The following PLEKHH1 variants were observed in gnomAD, a reference collection of about 807,000 sequenced individuals.
PLEKHH1 encodes the protein pleckstrin homology domain-containing family H member 1.
Under a neutral mutation model 160.0 loss-of-function variants are expected in PLEKHH1, and 104 were observed. That is an observed-to-expected ratio of 0.65 (90% CI 0.55 to 0.76). PLEKHH1 has a LOEUF of 0.76. Ranked by LOEUF, PLEKHH1 falls within the 30% of genes least tolerant of loss-of-function variation. The pLI is 0.00. For synonymous variants in PLEKHH1, 619 were observed against 678.4 expected (o/e 0.91, Z 1.36); for missense variants, 1,427 against 1,724.1 (o/e 0.83, Z 3.05).
rs147735246 is a variant in PLEKHH1, at chr14:67,550,241, T to G, written c.127-5584T>G. Among the ~76,000 whole-genome samples the G allele has an allele frequency of 3.2e-3, 482 of 152,122 alleles. 1 individual carries two copies. Among genetic ancestry groups the G allele is most frequent in the African/African-American group, 0.011 (456 of 41,506 alleles). ...TCTCACTCTGTTGCCCAAGCTGGAG[T>G]GCAGTGGCACCATCTCAGCTCACTG... is the stretch of plus-strand genomic sequence containing the variant. On this transcript the variant is annotated intron_variant, in intron 2 of 28. Coordinates refer to ENST00000329153, the MANE Select transcript of PLEKHH1 (RefSeq NM_020715.3).
At chr14:67,585,822 T>C (rs2036131871) in intron 27 of PLEKHH1, 129 bp from the exon 28 acceptor site, 1 of 1,100,956 alleles carries the variant, frequency 9.1e-7, no homozygotes, top group Non-Finnish European at 1.3e-6. Flanking sequence ...ATATTCAAGA[T>C]GGAGATCTCC....
chr14:67,586,713 TAG>T, intron 28 of PLEKHH1: 1 of 867,250 alleles, frequency 1.2e-6, no homozygotes, highest in Non-Finnish European at 1.6e-6. Context: ...ATCCTAAAGT[TAG>T]AGTTTGCCAA....
chr14:67,571,989 T>C (rs1374359313), intron 10 of PLEKHH1, 87 bp downstream of exon 10: 1 of 1,508,728 alleles, frequency 6.6e-7, no homozygotes, highest in Non-Finnish European at 9.0e-7. Flanking sequence ...GCGTCCCCAC[T>C]TGATCTGAGC....
At chr14:67,536,378 G>A (rs1330771077) in intron 1 of PLEKHH1, among the ~76,000 whole-genome samples, 1 of 151,878 alleles carries the variant, frequency 6.6e-6, no homozygotes, top group Non-Finnish European at 1.5e-5. Context: ...AGCCACGTCT[G>A]GCAGAGCACT....
At chr14:67,546,890 C>G (rs183566027) in intron 2 of PLEKHH1, among the ~76,000 whole-genome samples, 1 of 152,208 alleles carries the variant, frequency 6.6e-6, no homozygotes, top group African/African-American at 2.4e-5. Flanking sequence ...TTTTTCTCTA[C>G]ATGTTTCTGT....
At position 67,574,450 on chromosome 14, in the gene PLEKHH1, C is replaced by G. The variant is rs769180591; in HGVS notation, c.2088+47C>G. 2 of 1,402,202 alleles carry G rather than the reference C, an allele frequency of 1.4e-6. No individual in the cohort carries two copies. The highest frequency in any genetic ancestry group is 3.1e-5 in the South Asian group (2 of 63,984). The allele number at this position is 1,402,202 out of a possible 1,614,324, so 86.9% of individuals were successfully genotyped here. A position where few individuals can be genotyped will look rare whatever the true frequency, so the allele number is the denominator to read the frequency against. On this transcript the variant is annotated intron_variant, in intron 14 of 28. Coordinates refer to ENST00000329153, the MANE Select transcript of PLEKHH1 (RefSeq NM_020715.3). This position sits in a 1 kb window ranked among gnomAD's most constrained non-coding sequence, Gnocchi z 4.2. ...GCAGGAACATGTGCCTCCTGCGAAT[C>G]AGGGGAGCCAGGATTGGGGTGCCGA...
At chr14:67,572,054 T>C in intron 10 of PLEKHH1, 81 bp from the exon 11 acceptor site, 1 of 1,508,698 alleles carries the variant, frequency 6.6e-7, no homozygotes, top group Non-Finnish European at 8.9e-7. Flanking sequence ...CCCGGGTGGG[T>C]GGTCAAGTCT....
chr14:67,577,164 T>A, intron 17 of PLEKHH1, 138 bp from the exon 18 acceptor site: 1 of 654,010 alleles, frequency 1.5e-6, no homozygotes, highest in South Asian at 1.8e-5. Flanking sequence ...ACTCTATGGA[T>A]GATAAACCCA....
At chr14:67,585,825 A>G (rs956794580) in intron 27 of PLEKHH1, 126 bp from the exon 28 acceptor site, 2 of 1,109,488 alleles carry the variant, frequency 1.8e-6, no homozygotes, top group South Asian at 3.0e-5. Flanking sequence ...TTCAAGATGG[A>G]GATCTCCAAA....
intron 4 of PLEKHH1, among the ~76,000 whole-genome samples, chr14:67,558,216 C>T (rs1228615633): frequency 6.6e-6 from 1 of 152,182 alleles, no homozygotes; most frequent in Non-Finnish European, 1.5e-5. Context: ...ACCCAGCTTT[C>T]CCCTCGTGCC....
intron 7 of PLEKHH1, among the ~76,000 whole-genome samples, chr14:67,563,577 G>A (rs965214384): frequency 3.3e-5 from 5 of 151,640 alleles, no homozygotes; most frequent in Non-Finnish European, 7.4e-5. Flanking sequence ...GGGATTACAG[G>A]CATGCACCAC....
chr14:67,556,126 G>A (rs967177914), intron 3 of PLEKHH1, among the ~76,000 whole-genome samples: 5 of 152,234 alleles, frequency 3.3e-5, no homozygotes, highest in African/African-American at 1.2e-4. Context: ...TAAGTCTGAA[G>A]TCTCAGTGGT....
At chr14:67,570,341 A>G in intron 9 of PLEKHH1, 1 of 1,026,094 alleles carries the variant, frequency 9.7e-7, no homozygotes. Context: ...TTACTGAGGT[A>G]TATTCCAACT....
At chr14:67,569,263 A>G (rs775925115) in intron 8 of PLEKHH1, 47 bp downstream of exon 8, 3 of 1,394,178 alleles carry the variant, frequency 2.2e-6, no homozygotes, top group Non-Finnish European at 2.0e-6. Context: ...CAAGGTGGGC[A>G]GGGTGGGCAA....
In PLEKHH1 at chr14:67,557,269, G is replaced by C. The variant is rs749121012; in HGVS notation, c.190G>C (p.Val64Leu). Reference sequence around the variant, plus strand: ...ACTATGAGATCATTGTACTTTTCAGGTGGGTGTCATGGAAGAGAAGGTAAA... The same window carrying C: ...ACTATGAGATCATTGTACTTTTCAGCTGGGTGTCATGGAAGAGAAGGTAAA... ...EQRAENAETQ[V>L]GVMEEKVKLS... is the part of the protein sequence containing the mutation. Residue 64 changes from valine (V) to leucine (L), a missense_variant and splice_region_variant, in exon 4 of 29, where the codon GTG becomes CTG. By Grantham distance (32) the Val-to-Leu change is conservative. This residue lies in a region of PLEKHH1 where 831 missense variants were observed against 929.2 expected (regional missense o/e 0.89). Transcript: ENST00000329153. 1 of 1,613,520 alleles carries C rather than the reference G, an allele frequency of 6.2e-7. No individual in the cohort carries two copies.
In PLEKHH1 at chr14:67,548,700, A is replaced by T. The variant is rs183453978; in HGVS notation, c.126+6707A>T. Reference sequence around the variant, plus strand: ...CGACAAGAGCAAAACTCTGTCTCAAAAAAAAAGAGAGAAGAAATAATGTGA... The same window carrying T: ...CGACAAGAGCAAAACTCTGTCTCAATAAAAAAGAGAGAAGAAATAATGTGA... On this transcript the variant is annotated intron_variant, in intron 2 of 28. Coordinates refer to ENST00000329153, the MANE Select transcript of PLEKHH1 (RefSeq NM_020715.3). Among the ~76,000 whole-genome samples the T allele has an allele frequency of 1.4e-4, 22 of 152,346 alleles. No individual in the cohort carries two copies. The East Asian group carries it at 4.1e-3, about 28-fold the overall frequency.
Position 67,573,740 on chromosome 14 carries a change from A to G in PLEKHH1, c.1840-61A>G. 9.3e-7 allele frequency: 1 copy of G among 1,071,404 alleles called. No individual in the cohort carries two copies. The highest frequency in any genetic ancestry group is 1.2e-5 in the South Asian group (1 of 80,192). 66.4% of individuals were successfully genotyped at this position (1,071,404 alleles called of 1,614,324 possible). On this transcript the variant is annotated intron_variant, in intron 12 of 28. Coordinates refer to ENST00000329153, the MANE Select transcript of PLEKHH1 (RefSeq NM_020715.3). This position sits in a 1 kb window ranked among gnomAD's most constrained non-coding sequence, Gnocchi z 4.8. ...GACGTGGAGGAAGATCTGAGGGTAA[A>G]TGAGGTGCTCCGGAAAGGCTCCACA...
chr14:67,552,854 T>C (rs2140374057), intron 2 of PLEKHH1, among the ~76,000 whole-genome samples: 1 of 152,166 alleles, frequency 6.6e-6, no homozygotes. Context: ...GACCCAGGGC[T>C]GGGAGGATAC....
In PLEKHH1 at chr14:67,569,174, C is replaced by T. The variant is rs759354131; in HGVS notation, c.1300C>T (p.Arg434Trp). ...CTATGCTGTGGCCACATCGGGCATGCGGCTCTCAGATATGTCTCCCAGAAG... is the reference window on the plus strand; with the variant it reads ...CTATGCTGTGGCCACATCGGGCATGTGGCTCTCAGATATGTCTCCCAGAAG... ...RIYAVATSGM[R>W]LSDMSPRSNT... Residue 434 changes from arginine (R) to tryptophan (W), a missense_variant, in exon 8 of 29, where the codon CGG becomes TGG. By Grantham distance (101) the Arg-to-Trp change is moderately radical. Coordinates refer to ENST00000329153, the MANE Select transcript of PLEKHH1 (RefSeq NM_020715.3). 13 of 1,612,782 alleles carry T rather than the reference C, an allele frequency of 8.1e-6. No individual in the cohort carries two copies. The highest frequency in any genetic ancestry group is 6.7e-5 in the East Asian group (3 of 44,866).
Sources: allele counts gnomAD v4.1 joint callset (sites outside exome capture counted in the v4.1 genomes callset), GRCh38; gene constraint gnomAD v4.1.1; regional missense constraint gnomAD v4.1.1; non-coding constraint Gnocchi (gnomAD v3.1); transcripts MANE v1.5; gene names NCBI Gene and HGNC (gene_info 2026-07-23, HGNC 2026-07-21).